ATP2C1: variants seen among roughly 807,000 people sequenced by gnomAD.
ATP2C1 encodes calcium-transporting ATPase type 2C member 1.
ATP2C1 carries 31 observed loss-of-function variants against 120.5 expected under a neutral mutation model. The ratio of observed to expected loss-of-function variants is 0.26; its 90% CI spans 0.19 to 0.35. ATP2C1 has a LOEUF of 0.35. ATP2C1 is among the 10% of genes least tolerant of loss of function. ATP2C1 has a pLI of 1.00. For missense variants in ATP2C1, 731 were observed against 1,107.5 expected, an observed-to-expected ratio of 0.66 and a Z score of 4.83; for synonymous variants, 351 against 358.7, an observed-to-expected ratio of 0.98 and a Z score of 0.24.
intron 8 of ATP2C1, among the ~76,000 whole-genome samples, chr3:130,948,487 A>G (rs1489485403): frequency 1.3e-5 from 2 of 151,946 alleles, no homozygotes; most frequent in African/African-American, 2.4e-5. Context: ...TTATCTTTCA[A>G]TGGTTTGATT....
chr3:130,850,903 T>C, exon 1 of ATP2C1: 3 of 1,421,844 alleles, frequency 2.1e-6, no homozygotes, highest in Non-Finnish European at 2.7e-6. Flanking sequence ...TTATCGACGC[T>C]GAGAAACCAA....
rs377022996 is a variant in ATP2C1 at position 131,014,597 on chromosome 3, CT to C, written c.2630-1551del. Among the ~76,000 whole-genome samples, 590 of 152,288 alleles carry C rather than the reference CT, an allele frequency of 3.9e-3. 4 individuals carry two copies. The highest frequency in any genetic ancestry group is 5.4e-3 in the Non-Finnish European group (368 of 68,018). ...ATTCTTTGCTGGTGATACTTAAAAA[CT>C]TTTCATCAACAAATTACGTGATGCA... On this transcript the variant is annotated intron_variant, in intron 26 of 26. Coordinates refer to the ATP2C1 transcript ENST00000328560.
intron 2 of ATP2C1, chr3:130,919,155 G>A (rs2058826626): frequency 3.7e-6 from 1 of 272,188 alleles, no homozygotes; most frequent in African/African-American, 2.3e-5. Context: ...CACAGGCGGA[G>A]CTAGAGAGGC....
intron 20 of ATP2C1, among the ~76,000 whole-genome samples, chr3:130,991,415 G>T (rs2062335615): frequency 6.6e-6 from 1 of 152,168 alleles, no homozygotes; most frequent in African/African-American, 2.4e-5. Flanking sequence ...GATTCAGAGA[G>T]AATGGGAGAC....
chr3:130,895,463 A>C (rs2069533350), intron 2 of ATP2C1, among the ~76,000 whole-genome samples: 1 of 152,206 alleles, frequency 6.6e-6, no homozygotes, highest in African/African-American at 2.4e-5. Flanking sequence ...CCTACACAGC[A>C]CTGATTATTT....
intron 21 of ATP2C1, 110 bp downstream of exon 21, chr3:130,993,111 G>T: frequency 1.1e-6 from 1 of 895,692 alleles, no homozygotes. Context: ...GAAATACTGT[G>T]AAGCAAAACA....
exon 1 of ATP2C1, chr3:130,850,902 C>G: frequency 7.0e-7 from 1 of 1,419,250 alleles, no homozygotes; most frequent in Non-Finnish European, 9.2e-7. Context: ...TTTATCGACG[C>G]TGAGAAACCA....
intron 20 of ATP2C1, among the ~76,000 whole-genome samples, chr3:130,980,905 C>T (rs974024224): frequency 6.6e-6 from 1 of 152,082 alleles, no homozygotes; most frequent in African/African-American, 2.4e-5. Flanking sequence ...TTAATTTTAG[C>T]AAGAACCAGA....
upstream of ATP2C1, among the ~76,000 whole-genome samples, chr3:130,889,739 G>A (rs1243652191): frequency 1.4e-5 from 2 of 144,328 alleles, no homozygotes; most frequent in Non-Finnish European, 3.0e-5. Flanking sequence ...TTGACCTCCT[G>A]GGCTTAAGCA....
chr3:131,008,423 C>CA (rs747486056), intron 26 of ATP2C1, among the ~76,000 whole-genome samples: 5,839 of 86,784 alleles, frequency 0.067, 418 homozygotes, highest in African/African-American at 0.22. Context: ...AAGACTGTCT[C>CA]AAAAAAAAAA....
At chr3:130,982,255 A>G (rs574582889) in intron 20 of ATP2C1, among the ~76,000 whole-genome samples, 1 of 152,330 alleles carries the variant, frequency 6.6e-6, no homozygotes, top group African/African-American at 2.4e-5. Flanking sequence ...TATTCCAGCA[A>G]CATTTGTTGA....
chr3:130,916,479 C>T (rs1287732286), intron 2 of ATP2C1, among the ~76,000 whole-genome samples: 1 of 151,704 alleles, frequency 6.6e-6, no homozygotes, highest in Non-Finnish European at 1.5e-5. Context: ...GGAGGACGGG[C>T]CCAAAAGGTG....
chr3:130,898,334 A>G (rs764567629), intron 2 of ATP2C1, among the ~76,000 whole-genome samples: 2 of 152,148 alleles, frequency 1.3e-5, no homozygotes, highest in Non-Finnish European at 2.9e-5. Flanking sequence ...TCAATTTCAA[A>G]TTGTTAATCA....
intron 26 of ATP2C1, among the ~76,000 whole-genome samples, chr3:130,999,309 A>G (rs926612169): frequency 6.6e-6 from 1 of 152,118 alleles, no homozygotes; most frequent in East Asian, 1.9e-4. Context: ...CCTTTTCTTG[A>G]TAAATAAAAT....
chr3:130,862,238 C>T (rs1235427069), intron 1 of ATP2C1, among the ~76,000 whole-genome samples: 1 of 151,556 alleles, frequency 6.6e-6, no homozygotes, highest in Non-Finnish European at 1.5e-5. Flanking sequence ...ACTCCTTGGC[C>T]TCCCAAAGTG....
intron 8 of ATP2C1, among the ~76,000 whole-genome samples, chr3:130,952,143 C>T (rs1478383695): frequency 2.6e-5 from 4 of 152,092 alleles, no homozygotes; most frequent in African/African-American, 4.8e-5. Flanking sequence ...TAAAATGTGG[C>T]TCTATCTTTA....
chr3:130,895,137 G>A (rs1008064058), intron 2 of ATP2C1, among the ~76,000 whole-genome samples: 28 of 152,230 alleles, frequency 1.8e-4, no homozygotes, highest in African/African-American at 6.0e-4. Context: ...AGGGGATGGG[G>A]CTGCATCTCT....
chr3:130,920,468 G>A (rs1440272162), intron 2 of ATP2C1, among the ~76,000 whole-genome samples: 2 of 152,088 alleles, frequency 1.3e-5, no homozygotes, highest in African/African-American at 4.8e-5. Flanking sequence ...CTTTGTTGAA[G>A]ATCAGTTGAC....
chr3:130,920,593 T>C (rs2058908561), intron 2 of ATP2C1, among the ~76,000 whole-genome samples: 1 of 152,182 alleles, frequency 6.6e-6, no homozygotes, highest in South Asian at 2.1e-4. Context: ...AATATTAATA[T>C]ATTTTGAAAT....
Sources: gnomAD v4.1 joint callset for allele counts (sites outside exome capture counted in the v4.1 genomes callset) on GRCh38, gnomAD v4.1.1 for gene constraint, MANE v1.5 for transcripts, NCBI Gene and HGNC (gene_info 2026-07-23, HGNC 2026-07-21) for gene names.